The following FAM174B variants were observed in gnomAD, a reference collection of about 807,000 sequenced individuals.
FAM174B encodes the protein membrane protein FAM174B.
FAM174B carries 12 observed loss-of-function variants against 10.9 expected under a neutral mutation model. The ratio of observed to expected loss-of-function variants is 1.10; its 90% confidence interval spans 0.71 to 1.79. The LOEUF is 1.79. Among genes scored for constraint, FAM174B ranks in the 40% most tolerant of loss-of-function variants. FAM174B has a pLI of 0.00. For synonymous variants in FAM174B, 132 were observed against 115.8 expected (o/e 1.14, Z -0.90); for missense variants, 266 against 233.3 (o/e 1.14, Z -0.91).
intron 1 of FAM174B, among the ~76,000 whole-genome samples, chr15:92,640,807 G>T (rs904935494): frequency 6.6e-6 from 1 of 151,894 alleles, no homozygotes; most frequent in African/African-American, 2.4e-5. Flanking sequence ...ACCACACTCA[G>T]CCAATTTTTG....
chr15:92,649,370 C>G (rs2050949549), intron 1 of FAM174B, among the ~76,000 whole-genome samples: 1 of 152,172 alleles, frequency 6.6e-6, no homozygotes, highest in African/African-American at 2.4e-5. Flanking sequence ...GCTAAAGAGT[C>G]AGCAATTTCA....
chr15:92,622,886 G>T (rs1163930256), intron 2 of FAM174B, among the ~76,000 whole-genome samples: 1 of 152,124 alleles, frequency 6.6e-6, no homozygotes. Flanking sequence ...TTGGCCAGGT[G>T]CGGTACCTCA....
chr15:92,631,274 T>A (rs1447655739), intron 1 of FAM174B, among the ~76,000 whole-genome samples: 2 of 9,548 alleles, frequency 2.1e-4, no homozygotes, highest in African/African-American at 9.8e-4. Context: ...TATATTATAT[T>A]ATATATAATA....
In FAM174B at chr15:92,630,870, T is replaced by TTA. The variant is rs1208917601; in HGVS notation, c.345-527_345-526dup. Reference sequence around the variant, plus strand: ...CATATTACATGTTACATATTACATATTATATATTATATATTACGTATTACA... The same window carrying TTA: ...CATATTACATGTTACATATTACATATTATATATATTATATATTACGTATTACA... On this transcript the variant is annotated intron_variant, in intron 1 of 2. Coordinates refer to ENST00000327355, the MANE Select transcript of FAM174B (RefSeq NM_207446.3). Among the ~76,000 whole-genome samples the TTA allele has an allele frequency of 4.2e-3, 204 of 48,420 alleles. 6 individuals are homozygous for TTA. Among genetic ancestry groups the TTA allele is most frequent in the South Asian group, 0.01 (14 of 1,334 alleles). 31.8% of individuals were successfully genotyped at this position (48,420 alleles called of 152,430 possible).
intron 2 of FAM174B, among the ~76,000 whole-genome samples, chr15:92,622,875 C>T (rs2050728806): frequency 6.6e-6 from 1 of 152,190 alleles, no homozygotes; most frequent in African/African-American, 2.4e-5. Context: ...AGTGGCCATG[C>T]TTGGCCAGGT....
Position 92,617,577 on chromosome 15 carries a change from T to A in FAM174B, c.*1879A>T. ...AAGCACCTGGCAGATGGAGCCCGGGTGTTTCTGCGTAAGGCAGAGGAATCC... is the reference window on the plus strand; with the variant it reads ...AAGCACCTGGCAGATGGAGCCCGGGAGTTTCTGCGTAAGGCAGAGGAATCC... On this transcript the variant is annotated 3_prime_UTR_variant, in exon 3 of 3. Transcript: ENST00000327355. 1.8e-6 allele frequency: 1 copy of A among 569,774 alleles called. No homozygotes were observed. Among genetic ancestry groups the A allele is most frequent in the Non-Finnish European group, 3.1e-6 (1 of 322,660 alleles). 35.3% of individuals were successfully genotyped at this position (569,774 alleles called of 1,614,324 possible).
chr15:92,628,513 G>A (rs2050769085), intron 2 of FAM174B, among the ~76,000 whole-genome samples: 1 of 151,868 alleles, frequency 6.6e-6, no homozygotes, highest in African/African-American at 2.4e-5. Flanking sequence ...GCTTGAGCCT[G>A]CAGATGTGGA....
chr15:92,642,892 G>C (rs1304530886), intron 1 of FAM174B, among the ~76,000 whole-genome samples: 5 of 152,124 alleles, frequency 3.3e-5, no homozygotes, highest in Admixed American at 1.3e-4. Context: ...GATGAACCCT[G>C]AAAACACTGT....
At chr15:92,651,843 G>A (rs532921296) in intron 1 of FAM174B, among the ~76,000 whole-genome samples, 9 of 129,762 alleles carry the variant, frequency 6.9e-5, no homozygotes, top group Non-Finnish European at 1.5e-4. Flanking sequence ...TTGATTAAAA[G>A]TATACATCTT....
rs954320402 is a variant in FAM174B, at chr15:92,630,401, G to A, written c.345-56C>T. 1.9e-6 allele frequency: 3 copies of A among 1,540,958 alleles called. No homozygotes were observed. In the African/African-American group the frequency reaches 4.1e-5, roughly 21 times the overall value. ...ACAGCTGGGAGAGAAAGAGTCACTG[G>A]GCCCCAAGCCCCAGAGGACCCGACA... On this transcript the variant is annotated intron_variant, in intron 1 of 2. Transcript: ENST00000327355.
intron 2 of FAM174B, chr15:92,619,676 AGCTCC>A: frequency 1.5e-5 from 9 of 600,394 alleles, no homozygotes; most frequent in Admixed American, 8.9e-5. Context: ...TCCCTCCCCC[AGCTCC>A]CCACACAGAC....
Position 92,655,329 on chromosome 15 carries a change from G to A in FAM174B, c.331C>T (p.Leu111=). The change falls in exon 1 of 3, where the codon CTG becomes TTG. Residue 111 remains leucine, a synonymous_variant. Transcript: ENST00000327355. ...GGGAGGGCCCACCTGAAGACGCGCA[G>A]CAGCAGGCAGGCGATGAGGAGGGTG... The part of the protein sequence containing the change: ...FTTLLIACLL[L]RVFRSGKRLK... 6.4e-7 allele frequency: 1 copy of A among 1,561,610 alleles called. No individual in the cohort carries two copies. Among genetic ancestry groups the A allele is most frequent in the African/African-American group, 1.4e-5 (1 of 71,174 alleles).
At chr15:92,628,177 T>C (rs1027723853) in intron 2 of FAM174B, among the ~76,000 whole-genome samples, 44 of 152,132 alleles carry the variant, frequency 2.9e-4, no homozygotes, top group Admixed American at 2.0e-3. Flanking sequence ...CAAAATTTTT[T>C]TTTTTGAGAT....
At chr15:92,655,252 G>A (rs924555371) in intron 1 of FAM174B, 64 bp downstream of exon 1, 13 of 1,449,800 alleles carry the variant, frequency 9.0e-6, no homozygotes, top group African/African-American at 2.9e-5. Flanking sequence ...GGCGCGCGGC[G>A]ACAGCAGGTT....
Position 92,631,836 on chromosome 15 carries a change from A to G in FAM174B, c.345-1491T>C, listed in dbSNP as rs568359885. Reference sequence around the variant, plus strand: ...TAAGAAGGCAAAATACATGCTTTAAAAAAAAAGCCCCAAAGATCAAGATGT... The same window carrying G: ...TAAGAAGGCAAAATACATGCTTTAAGAAAAAAGCCCCAAAGATCAAGATGT... On this transcript the variant is annotated intron_variant, in intron 1 of 2. Transcript: ENST00000327355. Among the ~76,000 whole-genome samples the G allele has an allele frequency of 1.5e-3, 234 of 152,100 alleles. 1 individual carries two copies. Among genetic ancestry groups the G allele is most frequent in the African/African-American group, 5.0e-3 (208 of 41,504 alleles).
intron 1 of FAM174B, among the ~76,000 whole-genome samples, chr15:92,642,885 G>A (rs2050900487): frequency 6.6e-6 from 1 of 152,130 alleles, no homozygotes; most frequent in African/African-American, 2.4e-5. Context: ...ACACATAGAT[G>A]AACCCTGAAA....
rs1213557639 is a variant in FAM174B at position 92,619,193 on chromosome 15, C to G, written c.*263G>C. ...CCTTAGCAAGGCACAAAGCCTCTTA[C>G]ATGGGGAGTAGAAGTAGGGGGCACT... On this transcript the variant is annotated 3_prime_UTR_variant, in exon 3 of 3. Transcript: ENST00000327355. 1.4e-6 allele frequency: 1 copy of G among 702,550 alleles called. No homozygotes were observed. The highest frequency in any genetic ancestry group is 2.7e-5 in the East Asian group (1 of 37,306). The allele number at this position is 702,550 out of a possible 1,614,324, so 43.5% of individuals were successfully genotyped here. A position where few individuals can be genotyped will look rare whatever the true frequency, so the allele number is the denominator to read the frequency against.
rs2050816038 is a variant in FAM174B at position 92,631,434 on chromosome 15, T to TATATTATATTATATATA, written c.345-1090_345-1089insTATATATAATATAATAT. 8.4e-5 allele frequency among the ~76,000 whole-genome samples: 3 copies of TATATTATATTATATATA among 35,768 alleles called. 1 individual carries two copies. The highest frequency in any genetic ancestry group is 4.5e-5 in the Non-Finnish European group (1 of 22,282). The allele number at this position is 35,768 out of a possible 152,430, so 23.5% of individuals were successfully genotyped here. A position where few individuals can be genotyped will look rare whatever the true frequency, so the allele number is the denominator to read the frequency against. ...ATATAATATATAATATATAATATAATATATTATATATATAACATAATATAT... is the reference window on the plus strand; with the variant it reads ...ATATAATATATAATATATAATATAATATATTATATTATATATAATATTATATATATAACATAATATAT... On this transcript the variant is annotated intron_variant, in intron 1 of 2. Transcript: ENST00000327355.
intron 2 of FAM174B, among the ~76,000 whole-genome samples, chr15:92,624,120 A>C (rs184656086): frequency 1.5e-4 from 23 of 152,346 alleles, no homozygotes; most frequent in Admixed American, 1.5e-3. Flanking sequence ...CTTTCCAAAG[A>C]AACAAAAATT....
Sources: allele counts gnomAD v4.1 joint callset (sites outside exome capture counted in the v4.1 genomes callset), GRCh38; gene constraint gnomAD v4.1.1; transcripts MANE v1.5; gene names NCBI Gene and HGNC (gene_info 2026-07-23, HGNC 2026-07-21).